The following NSD3 variants were observed in gnomAD, a reference collection of about 807,000 sequenced individuals.
NSD3 encodes the protein nuclear receptor binding SET domain protein 3, also known as histone-lysine N-methyltransferase NSD3.
A neutral mutation model predicts 160.8 loss-of-function variants in NSD3; 24 were observed. The ratio of observed to expected loss-of-function variants is 0.15; its 90% CI spans 0.11 to 0.21. The LOEUF (loss-of-function observed/expected upper bound fraction) is 0.21, where lower values mean the gene tolerates loss of function less well. NSD3 is among the 10% of genes least tolerant of loss of function. NSD3 has a pLI of 1.00. For missense variants in NSD3, 1,157 were observed against 1,735.9 expected (o/e 0.67, Z 5.93); for synonymous variants, 520 against 600.0 (o/e 0.87, Z 1.95).
chr8:38,325,782 G>C (rs1809894186), intron 7 of NSD3, among the ~76,000 whole-genome samples: 1 of 152,014 alleles, frequency 6.6e-6, no homozygotes, highest in Non-Finnish European at 1.5e-5. Flanking sequence ...ACCTGAGCCT[G>C]GGAGGTCGAG....
intron 4 of NSD3, among the ~76,000 whole-genome samples, chr8:38,335,729 CT>C (rs1810200731): frequency 6.6e-6 from 1 of 152,198 alleles, no homozygotes; most frequent in African/African-American, 2.4e-5. Flanking sequence ...AATTTAACTG[CT>C]TTCCCTGTAA....
rs1808944868 is a variant in NSD3 at position 38,289,425 on chromosome 8, A to G, written c.3199T>C (p.Ser1067Pro). 4 of 1,613,578 alleles carry G rather than the reference A, an allele frequency of 2.5e-6. No homozygotes were observed. The highest frequency in any genetic ancestry group is 1.3e-5 in the African/African-American group (1 of 74,898). The change falls in exon 18 of 24, where the codon TCA becomes CCA. Residue 1067 changes from serine (S) to proline (P), a missense_variant. This residue lies in a region of NSD3 where 437 missense variants were observed against 576.6 expected (regional missense o/e 0.76). Transcript: ENST00000317025. Reference sequence around the variant, plus strand: ...TGTTTGTAGGGAGGGGGTTTTCTTGAGTTTTTTTCAATCTCTAGGGCTTCT... The same window carrying G: ...TGTTTGTAGGGAGGGGGTTTTCTTGGGTTTTTTTCAATCTCTAGGGCTTCT... The part of the protein sequence containing the change: ...SKEALEIEKN[S>P]RKPPPYKHIK...
At chr8:38,294,849 A>G (rs990198522) in intron 16 of NSD3, among the ~76,000 whole-genome samples, 4 of 151,910 alleles carry the variant, frequency 2.6e-5, no homozygotes, top group African/African-American at 7.3e-5. Flanking sequence ...AAAAATTTTT[A>G]AAGTTTTTTT....
At chr8:38,337,624 A>C (rs1810255037) in intron 3 of NSD3, 157 bp from the exon 4 acceptor site, 2 of 515,652 alleles carry the variant, frequency 3.9e-6, no homozygotes, top group Non-Finnish European at 6.1e-6. Context: ...GAAACTAGGT[A>C]TAAAGTACAT....
At chr8:38,337,848 G>A (rs1810261724) in intron 3 of NSD3, among the ~76,000 whole-genome samples, 1 of 152,140 alleles carries the variant, frequency 6.6e-6, no homozygotes. Flanking sequence ...CATTAAAAGT[G>A]CTAACAATGT....
chr8:38,331,349 G>A, intron 5 of NSD3, 82 bp downstream of exon 5: 1 of 1,377,806 alleles, frequency 7.3e-7, no homozygotes, highest in Non-Finnish European at 9.5e-7. Context: ...ATAATTATCT[G>A]AATTCAAGTA....
chr8:38,365,913 G>A (rs1401438872), intron 1 of NSD3, among the ~76,000 whole-genome samples: 3 of 151,788 alleles, frequency 2.0e-5, no homozygotes, highest in African/African-American at 7.3e-5. Flanking sequence ...TTTAAATTAC[G>A]GTTTACTCAA....
chr8:38,271,601 A>G lies in NSD3; in HGVS notation c.*4040T>C, dbSNP rs1352966906. On this transcript the variant is annotated 3_prime_UTR_variant, in exon 24 of 24. Transcript: ENST00000317025. ...TCTACTTTTTGTTTTACAAATAACC[A>G]GAGACCAATTCTAGGTGGCCCTAGG... 6.6e-6 allele frequency: 1 copy of G among 152,244 alleles called. No individual in the cohort carries two copies. The highest frequency in any genetic ancestry group is 2.4e-5 in the African/African-American group (1 of 41,460). The allele number at this position is 152,244 out of a possible 1,614,324, so 9.4% of individuals were successfully genotyped here.
At chr8:38,307,110 G>A (rs1193408022) in intron 12 of NSD3, among the ~76,000 whole-genome samples, 2 of 126,188 alleles carry the variant, frequency 1.6e-5, no homozygotes, top group African/African-American at 2.9e-5. Flanking sequence ...GCGAGATACC[G>A]TCTCAAAAAA....
chr8:38,288,818 G>C lies in NSD3; in HGVS notation c.3232-62C>G. 1 of 1,580,462 alleles carries C rather than the reference G, an allele frequency of 6.3e-7. No individual in the cohort carries two copies. Among genetic ancestry groups the C allele is most frequent in the Non-Finnish European group, 8.6e-7 (1 of 1,160,702 alleles). On this transcript the variant is annotated intron_variant, in intron 18 of 23. Transcript: ENST00000317025. The surrounding 1 kb of genome is among the most constrained non-coding windows in gnomAD (Gnocchi z 4.5). ...GGTAAGTCATCTGGCAATGTGAACAGGAACATCTAAAACATCCACGCTACT... is the reference window on the plus strand; with the variant it reads ...GGTAAGTCATCTGGCAATGTGAACACGAACATCTAAAACATCCACGCTACT...
intron 4 of NSD3, chr8:38,336,198 CACAG>C (rs1810211589): frequency 6.6e-6 from 1 of 152,176 alleles, no homozygotes; most frequent in Non-Finnish European, 1.5e-5. Flanking sequence ...ACAAACTTGT[CACAG>C]ACAATGAGGA....
chr8:38,300,388 T>C (rs534982121), intron 14 of NSD3, among the ~76,000 whole-genome samples: 8 of 152,074 alleles, frequency 5.3e-5, no homozygotes, highest in Non-Finnish European at 1.0e-4. Flanking sequence ...GGCTGGTCTC[T>C]AACTTCTAGC....
intron 1 of NSD3, among the ~76,000 whole-genome samples, chr8:38,356,992 G>A (rs1015645160): frequency 2.6e-5 from 4 of 151,200 alleles, no homozygotes; most frequent in South Asian, 2.1e-4. Flanking sequence ...GGTGGTACAC[G>A]CCGGTAATCC....
chr8:38,319,989 C>A lies in NSD3; in HGVS notation c.1810-1049G>T, dbSNP rs1408724825. On this transcript the variant is annotated intron_variant, in intron 8 of 23. Transcript: ENST00000317025. This position sits in a 1 kb window ranked among gnomAD's most constrained non-coding sequence, Gnocchi z 4.1. ...CAGACTGATTTTGGGAACCAGCTGG[C>A]AAAATCACAACTTCATTTTGGTAAT... is the stretch of plus-strand genomic sequence containing the variant. 1 of 151,918 alleles carries A rather than the reference C, an allele frequency of 6.6e-6. No homozygotes were observed. The highest frequency in any genetic ancestry group is 2.4e-5 in the African/African-American group (1 of 41,360). 9.4% of individuals were successfully genotyped at this position (151,918 alleles called of 1,614,324 possible).
chr8:38,308,748 C>T (rs950056165), intron 12 of NSD3, among the ~76,000 whole-genome samples: 1 of 152,000 alleles, frequency 6.6e-6, no homozygotes, highest in African/African-American at 2.4e-5. Flanking sequence ...CCCAGGAGGT[C>T]GAGGCTGCAG....
Position 38,316,104 on chromosome 8 carries a change from G to A in NSD3, c.1856-62C>T, listed in dbSNP as rs540122742. On this transcript the variant is annotated intron_variant, in intron 9 of 23. Transcript: ENST00000317025. The surrounding 1 kb of genome is among the most constrained non-coding windows in gnomAD (Gnocchi z 4.5). Reference sequence around the variant, plus strand: ...ACTTAAGGTTTGTTTTAATTTTTTTGTGTGTGGGAGAATATTTTCTTTTCT... The same window carrying A: ...ACTTAAGGTTTGTTTTAATTTTTTTATGTGTGGGAGAATATTTTCTTTTCT... 6.3e-7 allele frequency: 1 copy of A among 1,582,214 alleles called. No individual in the cohort carries two copies. The highest frequency in any genetic ancestry group is 1.4e-5 in the African/African-American group (1 of 73,758).
chr8:38,296,674 CTGTGTGTGTGTGTGTG>C (rs57485296), intron 15 of NSD3, among the ~76,000 whole-genome samples: 27 of 142,290 alleles, frequency 1.9e-4, no homozygotes, highest in Admixed American at 6.3e-4. Context: ...CTCTCTCCCT[CTGTGTGTGTGTGTGTG>C]TGTGTGTGTG....
intron 19 of NSD3, among the ~76,000 whole-genome samples, chr8:38,282,839 T>C (rs927893029): frequency 3.3e-5 from 5 of 152,268 alleles, no homozygotes; most frequent in African/African-American, 9.6e-5. Flanking sequence ...CTGAGTAGTG[T>C]TTCTGCCATT....
intron 12 of NSD3, among the ~76,000 whole-genome samples, chr8:38,310,983 T>C (rs1585875907): frequency 1.3e-5 from 2 of 152,128 alleles, no homozygotes; most frequent in East Asian, 3.9e-4. Context: ...AGCCAACATG[T>C]TGTTTTCTTT....
Sources: gnomAD v4.1 joint callset for allele counts (sites outside exome capture counted in the v4.1 genomes callset) on GRCh38, gnomAD v4.1.1 for gene constraint, gnomAD v4.1.1 regional missense constraint, Gnocchi (gnomAD v3.1) non-coding constraint, MANE v1.5 for transcripts, NCBI Gene and HGNC (gene_info 2026-07-23, HGNC 2026-07-21) for gene names.